The following CELF4 variants were observed in gnomAD, a reference collection of about 807,000 sequenced individuals.
The protein encoded by CELF4 is CUG-BP- and ETR-3-like factor 4.
Under a neutral mutation model 59.9 loss-of-function variants are expected in CELF4, and 18 were observed. That is an observed-to-expected ratio of 0.30 (90% CI 0.21 to 0.45). The LOEUF is 0.45. Among genes scored for constraint, CELF4 ranks in the 20% least tolerant of loss-of-function variants. CELF4 has a pLI of 1.00. For synonymous variants in CELF4, 261 were observed against 267.1 expected, an observed-to-expected ratio of 0.98 and a Z score of 0.22; for missense variants, 456 against 689.0, an observed-to-expected ratio of 0.66 and a Z score of 3.79.
intron 2 of CELF4, among the ~76,000 whole-genome samples, chr18:37,336,312 T>C (rs1334312016): frequency 6.6e-6 from 1 of 152,192 alleles, no homozygotes; most frequent in Non-Finnish European, 1.5e-5. Context: ...GCCTCCCAAG[T>C]AGCTGGGGCT....
intron 2 of CELF4, among the ~76,000 whole-genome samples, chr18:37,480,096 A>G (rs1456430244): frequency 6.6e-6 from 1 of 152,204 alleles, no homozygotes; most frequent in East Asian, 1.9e-4. Context: ...GCGAGACAAT[A>G]CATTTCCGTT....
At chr18:37,380,937 C>A (rs1307934678) in intron 2 of CELF4, among the ~76,000 whole-genome samples, 6 of 151,500 alleles carry the variant, frequency 4.0e-5, no homozygotes, top group Non-Finnish European at 7.4e-5. Context: ...TCCATGAATT[C>A]CTCTATCCAT....
chr18:37,516,928 G>A (rs1416335109), intron 1 of CELF4, among the ~76,000 whole-genome samples: 1 of 152,218 alleles, frequency 6.6e-6, no homozygotes, highest in Non-Finnish European at 1.5e-5. Flanking sequence ...AGCTGCATTA[G>A]GACAATAACA....
chr18:37,408,459 G>GTTT (rs5824056), intron 2 of CELF4, among the ~76,000 whole-genome samples: 43,453 of 126,650 alleles, frequency 0.34, 8,715 homozygotes, highest in South Asian at 0.63. Flanking sequence ...AATCAAGAAG[G>GTTT]TTTTTTTTTT....
In CELF4 at chr18:37,243,464, T is replaced by A. The variant is rs1210489549; in HGVS notation, c.*1778A>T. On this transcript the variant is annotated 3_prime_UTR_variant, in exon 13 of 13. Transcript: ENST00000420428. ...AAATTATAATAAATATGTTATACTT[T>A]AAAATATATGTGTTCTTAAATAATT... is the stretch of plus-strand genomic sequence containing the variant. 2 of 152,218 alleles carry A rather than the reference T, an allele frequency of 1.3e-5. No individual in the cohort carries two copies. Among genetic ancestry groups the A allele is most frequent in the African/African-American group, 4.8e-5 (2 of 41,474 alleles). 9.4% of individuals were successfully genotyped at this position (152,218 alleles called of 1,614,324 possible).
chr18:37,286,691 C>T (rs1317854990), intron 3 of CELF4, among the ~76,000 whole-genome samples: 1 of 152,184 alleles, frequency 6.6e-6, no homozygotes, highest in Non-Finnish European at 1.5e-5. Flanking sequence ...ATCCTCCTTA[C>T]TTGTCTAACC....
chr18:37,318,472 C>T (rs759687349), intron 3 of CELF4, among the ~76,000 whole-genome samples: 3 of 151,870 alleles, frequency 2.0e-5, no homozygotes, highest in African/African-American at 4.8e-5. Context: ...CCCCTTCTCC[C>T]CAGAAGTATT....
intron 2 of CELF4, among the ~76,000 whole-genome samples, chr18:37,339,717 G>A (rs2097918549): frequency 6.7e-6 from 1 of 148,770 alleles, no homozygotes; most frequent in Admixed American, 6.8e-5. Flanking sequence ...TCGCACTACT[G>A]TACTCCAGCC....
intron 2 of CELF4, among the ~76,000 whole-genome samples, chr18:37,437,375 G>A (rs977370271): frequency 6.6e-6 from 1 of 152,250 alleles, no homozygotes; most frequent in African/African-American, 2.4e-5. Context: ...CACTCTGAGA[G>A]CCGGGAAGCC....
At chr18:37,514,768 A>G (rs571400602) in intron 1 of CELF4, among the ~76,000 whole-genome samples, 3 of 152,244 alleles carry the variant, frequency 2.0e-5, no homozygotes, top group Non-Finnish European at 2.9e-5. Context: ...GAAAATCCAC[A>G]TATCTATTCT....
chr18:37,557,188 T>C (rs1227491177), intron 1 of CELF4, among the ~76,000 whole-genome samples: 2 of 152,204 alleles, frequency 1.3e-5, no homozygotes, highest in Non-Finnish European at 2.9e-5. Context: ...TCCCACAATA[T>C]TTATGTGGAT....
At chr18:37,537,497 G>A (rs1293597225) in intron 1 of CELF4, among the ~76,000 whole-genome samples, 1 of 152,172 alleles carries the variant, frequency 6.6e-6, no homozygotes, top group Non-Finnish European at 1.5e-5. Context: ...GCCAGTTCCC[G>A]GTCGGGTCTC....
At chr18:37,518,584 C>T (rs2099953586) in intron 1 of CELF4, among the ~76,000 whole-genome samples, 1 of 152,140 alleles carries the variant, frequency 6.6e-6, no homozygotes, top group Non-Finnish European at 1.5e-5. Flanking sequence ...GCTTGGATGT[C>T]CTTCTGGCCT....
At chr18:37,362,341 G>T (rs916510223) in intron 2 of CELF4, among the ~76,000 whole-genome samples, 1 of 152,192 alleles carries the variant, frequency 6.6e-6, no homozygotes, top group Non-Finnish European at 1.5e-5. Flanking sequence ...GGTTGCGGAC[G>T]CATCACTCCC....
intron 2 of CELF4, among the ~76,000 whole-genome samples, chr18:37,390,987 G>T (rs1293232534): frequency 6.6e-6 from 1 of 152,138 alleles, no homozygotes; most frequent in Non-Finnish European, 1.5e-5. Context: ...TCCTGTCCCC[G>T]TCCTTGTAAC....
chr18:37,555,398 T>G (rs1442207228), intron 1 of CELF4, among the ~76,000 whole-genome samples: 1 of 152,178 alleles, frequency 6.6e-6, no homozygotes, highest in Non-Finnish European at 1.5e-5. Context: ...CACCGGTCAC[T>G]CAGGGACGCC....
At chr18:37,263,229 A>T (rs2075787318) in intron 10 of CELF4, among the ~76,000 whole-genome samples, 1 of 152,158 alleles carries the variant, frequency 6.6e-6, no homozygotes. Flanking sequence ...AGGAGGTGCC[A>T]GAGTCCCACC....
At chr18:37,337,845 C>A (rs986361742) in intron 2 of CELF4, among the ~76,000 whole-genome samples, 1 of 152,210 alleles carries the variant, frequency 6.6e-6, no homozygotes, top group East Asian at 1.9e-4. Flanking sequence ...TGGTTTAGTT[C>A]TTCTAGAAAA....
At chr18:37,259,062 G>A in intron 11 of CELF4, 119 bp downstream of exon 11, 1 of 1,523,054 alleles carries the variant, frequency 6.6e-7, no homozygotes, top group Admixed American at 1.9e-5. Context: ...ACACCGGTAG[G>A]TTGGTGCGAG....
Sources: allele counts gnomAD v4.1 joint callset (sites outside exome capture counted in the v4.1 genomes callset), GRCh38; gene constraint gnomAD v4.1.1; transcripts MANE v1.5; gene names NCBI Gene and HGNC (gene_info 2026-07-23, HGNC 2026-07-21).